Variants in FLNC observed in about 807,000 individuals in gnomAD.
FLNC encodes filamin C, also known as filamin-C.
A neutral mutation model predicts 254.3 loss-of-function variants in FLNC; 91 were observed. The observed-to-expected ratio is 0.36, with a 90% confidence interval of 0.30 to 0.43. The LOEUF (loss-of-function observed/expected upper bound fraction) is 0.43. Ranked by LOEUF, FLNC falls within the 20% of genes least tolerant of loss-of-function variation. The pLI is 1.00. For missense variants in FLNC, 2,853 were observed against 3,802.6 expected (o/e 0.75, Z 6.57); for synonymous variants, 1,430 against 1,577.2 (o/e 0.91, Z 2.21).
At position 128,838,701 on chromosome 7, in the gene FLNC, C is replaced by T. The variant is rs374847180; in HGVS notation, c.1309C>T (p.Arg437Cys). 6.4e-5 allele frequency: 104 copies of T among 1,612,910 alleles called. No individual in the cohort carries two copies. Among genetic ancestry groups the T allele is most frequent in the Non-Finnish European group, 8.2e-5 (97 of 1,180,010 alleles). The change falls in exon 8 of 48, where the codon CGC becomes TGC. Residue 437 changes from arginine to cysteine, a missense_variant. Physicochemically the swap from Arg to Cys is radical, Grantham distance 180 (BLOSUM62 -3). Coordinates refer to ENST00000325888, the MANE Select transcript of FLNC (RefSeq NM_001458.5). ...GGAGGACAAGGGTGACAGCACGTTC[C>T]GCTGCACATACAGACCTGCCATGGA... is the stretch of plus-strand genomic sequence containing the variant. ...ALEDKGDSTF[R>C]CTYRPAMEGP...
At chr7:128,855,946 C>T (rs1345117799) in intron 43 of FLNC, among the ~76,000 whole-genome samples, 1 of 152,184 alleles carries the variant, frequency 6.6e-6, no homozygotes, top group Non-Finnish European at 1.5e-5. Context: ...GGCTTCACCC[C>T]ACCTCCTTCT....
Position 128,845,159 on chromosome 7 carries a change from G to T in FLNC, c.3694G>T (p.Gly1232Trp). Reference sequence around the variant, plus strand: ...CTACACCATTACCATCAAGTATGGCGGGCATCCCGTGCCCAAATTCCCCAC... The same window carrying T: ...CTACACCATTACCATCAAGTATGGCTGGCATCCCGTGCCCAAATTCCCCAC... ...GTYTITIKYGGHPVPKFPTRV... is the reference protein window; with the variant it reads ...GTYTITIKYGWHPVPKFPTRV... The change falls in exon 21 of 48, where the codon GGG (glycine) becomes TGG (tryptophan). Residue 1232 changes from glycine (G) to tryptophan (W), a missense_variant. Around this residue, in one of 10 missense-constraint regions of FLNC, gnomAD observed 1,573 missense variants for 1,883.5 expected, o/e 0.84. Coordinates refer to ENST00000325888, the MANE Select transcript of FLNC (RefSeq NM_001458.5). 1 of 1,613,922 alleles carries T rather than the reference G, an allele frequency of 6.2e-7. No homozygotes were observed. The highest frequency in any genetic ancestry group is 8.5e-7 in the Non-Finnish European group (1 of 1,180,046).
intron 1 of FLNC, among the ~76,000 whole-genome samples, chr7:128,833,580 C>T (rs1428767354): frequency 6.6e-6 from 1 of 152,034 alleles, no homozygotes; most frequent in African/African-American, 2.4e-5. Flanking sequence ...ACTTCCCTCT[C>T]CAGCAAATAT....
Position 128,844,997 on chromosome 7 carries a change from G to A in FLNC, c.3532G>A (p.Val1178Met), listed in dbSNP as rs1312084079. 1 of 1,613,840 alleles carries A rather than the reference G, an allele frequency of 6.2e-7. No homozygotes were observed. The highest frequency in any genetic ancestry group is 8.5e-7 in the Non-Finnish European group (1 of 1,180,002). Reference sequence around the variant, plus strand: ...GGTCGGTGAGGCAGCCACCTTCACTGTGGACTGCTCAGAGGCAGGCGAGGC... The same window carrying A: ...GGTCGGTGAGGCAGCCACCTTCACTATGGACTGCTCAGAGGCAGGCGAGGC... ...GKVGEAATFTVDCSEAGEAEL... is the reference protein window; with the variant it reads ...GKVGEAATFTMDCSEAGEAEL... Residue 1178 changes from valine (V) to methionine (M), a missense_variant, in exon 21 of 48, where the codon GTG becomes ATG. Around this residue, in one of 10 missense-constraint regions of FLNC, gnomAD observed 1,573 missense variants for 1,883.5 expected, o/e 0.84. Coordinates refer to ENST00000325888, the MANE Select transcript of FLNC (RefSeq NM_001458.5).
At position 128,835,650 on chromosome 7, in the gene FLNC, G is replaced by C. The variant is rs565277154; in HGVS notation, c.601+76G>C. 9.5e-5 allele frequency: 146 copies of C among 1,535,284 alleles called. 1 individual carries two copies. In the South Asian group the frequency reaches 1.6e-3, roughly 17 times the overall value. On this transcript the variant is annotated intron_variant, in intron 2 of 47. Coordinates refer to ENST00000325888, the MANE Select transcript of FLNC (RefSeq NM_001458.5). The surrounding 1 kb of genome is among the most constrained non-coding windows in gnomAD (Gnocchi z 5.3). Reference sequence around the variant, plus strand: ...GGGGACAAGCTGGGGCTGCCAAGGCGTGTGGTTGTCAGAATGCACACCCTG... The same window carrying C: ...GGGGACAAGCTGGGGCTGCCAAGGCCTGTGGTTGTCAGAATGCACACCCTG...
intron 21 of FLNC, among the ~76,000 whole-genome samples, chr7:128,845,568 G>A (rs930855986): frequency 6.6e-6 from 1 of 152,114 alleles, no homozygotes; most frequent in East Asian, 1.9e-4. Flanking sequence ...TGCTCTGGAC[G>A]GGGGCACGGG....
Position 128,848,678 on chromosome 7 carries a change from A to C in FLNC, c.4698A>C (p.Ala1566=). 6.2e-7 allele frequency: 1 copy of C among 1,613,300 alleles called. No homozygotes were observed. The highest frequency in any genetic ancestry group is 8.5e-7 in the Non-Finnish European group (1 of 1,179,988). ...ASLPVEFTID[A]RDAGEGLLTV... ...TGCCTGTGGAGTTCACCATCGACGC[A>C]CGGGACGCGGGCGAGGGGTTGCTCA... The change falls in exon 27 of 48, where the codon GCA becomes GCC. Residue 1566 remains alanine (A), a synonymous_variant. Coordinates refer to ENST00000325888, the MANE Select transcript of FLNC (RefSeq NM_001458.5).
In FLNC at chr7:128,851,262, T is replaced by G; in HGVS notation, c.5570T>G (p.Ile1857Ser). The change falls in exon 34 of 48, where the codon ATC (isoleucine) becomes AGC (serine). Residue 1857 changes from isoleucine to serine, a missense_variant. Ile to Ser is a moderately radical substitution (Grantham distance 142). Coordinates refer to ENST00000325888, the MANE Select transcript of FLNC (RefSeq NM_001458.5). ...GSPLQFYVDA[I>S]NSRHVSAYGP... ...CCCTTACAGTTCTATGTGGATGCCA[T>G]CAACAGCCGCCATGTCAGTGCCTAT... The G allele has an allele frequency of 6.2e-7, 1 of 1,613,996 alleles. No homozygotes were observed. The highest frequency in any genetic ancestry group is 8.5e-7 in the Non-Finnish European group (1 of 1,180,008).
Position 128,845,866 on chromosome 7 carries a change from G to GAGAGGAGGGGA in FLNC, c.3791-105_3791-95dup, listed in dbSNP as rs200495738. The GAGAGGAGGGGA allele has an allele frequency of 1.9e-5, 16 of 845,148 alleles. 1 individual carries two copies. Among genetic ancestry groups the GAGAGGAGGGGA allele is most frequent in the South Asian group, 8.8e-5 (6 of 68,256 alleles). The allele number at this position is 845,148 out of a possible 1,614,324, so 52.4% of individuals were successfully genotyped here. On this transcript the variant is annotated intron_variant, in intron 21 of 47. Coordinates refer to ENST00000325888, the MANE Select transcript of FLNC (RefSeq NM_001458.5). ...TGGGAGAGGAGGGGGAGAGGAGGGT[G>GAGAGGAGGGGA]AGAGGAGGGGAAGAGGAGGGGAAGA...
In FLNC at chr7:128,840,125, G is replaced by C. The variant is rs185847889; in HGVS notation, c.1514G>C (p.Gly505Ala). The C allele has an allele frequency of 6.2e-7, 1 of 1,614,084 alleles. No homozygotes were observed. Among genetic ancestry groups the C allele is most frequent in the East Asian group, 2.2e-5 (1 of 44,876 alleles). ...TTCAAGGTGTTTACCAAGGGTGCCG[G>C]CAGCGGGGAGCTCAAGGTCACGGTC... ...ADFKVFTKGA[G>A]SGELKVTVKG... Residue 505 changes from glycine (G) to alanine (A), a missense_variant, in exon 9 of 48, where the codon GGC becomes GCC. Coordinates refer to ENST00000325888, the MANE Select transcript of FLNC (RefSeq NM_001458.5).
At chr7:128,850,348 C>T in intron 31 of FLNC, 36 bp from the exon 32 acceptor site, 1 of 1,545,184 alleles carries the variant, frequency 6.5e-7, no homozygotes, top group Non-Finnish European at 9.0e-7. Context: ...CCTGGGCCTT[C>T]CCCAGTCACT....
chr7:128,842,467 G>T lies in FLNC; in HGVS notation c.2265+93G>T. On this transcript the variant is annotated intron_variant, in intron 14 of 47. Coordinates refer to ENST00000325888, the MANE Select transcript of FLNC (RefSeq NM_001458.5). This position sits in a 1 kb window ranked among gnomAD's most constrained non-coding sequence, Gnocchi z 5.4. ...GAGTCCCTGTTGTCCCTGGGCTCAG[G>T]CTGGGACTGAGGCTTGGGCTGGTGC... 6.3e-7 allele frequency: 1 copy of T among 1,595,388 alleles called. No individual in the cohort carries two copies. The highest frequency in any genetic ancestry group is 1.1e-5 in the South Asian group (1 of 89,448).
At chr7:128,838,223 G>T in intron 6 of FLNC, 44 bp from the exon 7 acceptor site, 1 of 1,603,240 alleles carries the variant, frequency 6.2e-7, no homozygotes, top group Non-Finnish European at 8.5e-7. Flanking sequence ...CCCCTCTCAG[G>T]ACTGCTCTCC....
In FLNC at chr7:128,853,746, G is replaced by C; in HGVS notation, c.6393G>C (p.Glu2131Asp). 1 of 1,613,906 alleles carries C rather than the reference G, an allele frequency of 6.2e-7. No individual in the cohort carries two copies. The highest frequency in any genetic ancestry group is 1.1e-5 in the South Asian group (1 of 91,090). Residue 2131 changes from glutamate (E) to aspartate (D), a missense_variant, in exon 39 of 48, where the codon GAG becomes GAC. By Grantham distance (45) the Glu-to-Asp change is conservative. Around this residue, in one of 10 missense-constraint regions of FLNC, gnomAD observed 551 missense variants for 835.0 expected, o/e 0.66. Coordinates refer to ENST00000325888, the MANE Select transcript of FLNC (RefSeq NM_001458.5). ...CCTTCACTGTGAAGGTGACCGGCGA[G>C]GGCCGCATGAAGGAGAGCATCACCC... ...GSPFTVKVTG[E>D]GRMKESITRR... is the part of the protein sequence containing the mutation.
chr7:128,846,070 C>G lies in FLNC; in HGVS notation c.3871C>G (p.Arg1291Gly), dbSNP rs753591663. Reference protein sequence around the residue: ...TATGGNHVTARVLNPSGAKTD... With the variant: ...TATGGNHVTAGVLNPSGAKTD... ...CACAGGCGGCAACCACGTGACGGCT[C>G]GTGTGCTCAACCCCTCGGGGGCCAA... Residue 1291 changes from arginine to glycine, a missense_variant, in exon 22 of 48, where the codon CGT becomes GGT. This residue lies in a region of FLNC where 1,573 missense variants were observed against 1,883.5 expected (regional missense o/e 0.84). Coordinates refer to ENST00000325888, the MANE Select transcript of FLNC (RefSeq NM_001458.5). 21 of 1,613,954 alleles carry G rather than the reference C, an allele frequency of 1.3e-5. No individual in the cohort carries two copies. The highest frequency in any genetic ancestry group is 3.3e-4 in the Middle Eastern group (2 of 6,062).
In FLNC at chr7:128,848,589, C is replaced by T; in HGVS notation, c.4609C>T (p.His1537Tyr). ...CTTCAAGATCAAGGTCCTCCCAGCT[C>T]ATGATGCCAGCAAGGTGCGGGCCAG... Reference protein sequence around the residue: ...SPFKIKVLPAHDASKVRASGP... With the variant: ...SPFKIKVLPAYDASKVRASGP... The change falls in exon 27 of 48, where the codon CAT (histidine) becomes TAT (tyrosine). Residue 1537 changes from histidine to tyrosine, a missense_variant. Transcript: ENST00000325888. 6.2e-7 allele frequency: 1 copy of T among 1,614,026 alleles called. No individual in the cohort carries two copies. The highest frequency in any genetic ancestry group is 8.5e-7 in the Non-Finnish European group (1 of 1,180,040).
chr7:128,839,592 T>C (rs1562993239), intron 8 of FLNC, among the ~76,000 whole-genome samples: 2 of 152,324 alleles, frequency 1.3e-5, no homozygotes, highest in East Asian at 3.9e-4. Flanking sequence ...ACGTTGCCTG[T>C]GTTGTATGGC....
chr7:128,840,210 G>C, intron 9 of FLNC, 50 bp downstream of exon 9: 1 of 1,605,776 alleles, frequency 6.2e-7, no homozygotes, highest in Non-Finnish European at 8.5e-7. Flanking sequence ...GGATCATAAG[G>C]GAAGTATGGC....
rs1199745458 is a variant in FLNC at position 128,843,249 on chromosome 7, C to A, written c.2571C>A (p.Phe857Leu). 2 of 1,606,564 alleles carry A rather than the reference C, an allele frequency of 1.2e-6. No homozygotes were observed. Among genetic ancestry groups the A allele is most frequent in the Admixed American group, 3.4e-5 (2 of 58,878 alleles). Residue 857 changes from phenylalanine to leucine, a missense_variant, in exon 17 of 48, where the codon TTC becomes TTA. By Grantham distance (22) the Phe-to-Leu change is conservative. This residue lies in a region of FLNC where 1,573 missense variants were observed against 1,883.5 expected (regional missense o/e 0.84). Transcript: ENST00000325888. The part of the protein sequence containing the change: ...FANQEIPASP[F>L]HIKVDPSHDA... ...TCCAGGAGATCCCCGCCAGCCCCTTCCACATCAAGGTGGACCCATCCCACG... is the reference window on the plus strand; with the variant it reads ...TCCAGGAGATCCCCGCCAGCCCCTTACACATCAAGGTGGACCCATCCCACG...
Sources: allele counts gnomAD v4.1 joint callset (sites outside exome capture counted in the v4.1 genomes callset), GRCh38; gene constraint gnomAD v4.1.1; regional missense constraint gnomAD v4.1.1; non-coding constraint Gnocchi (gnomAD v3.1); transcripts MANE v1.5; gene names NCBI Gene and HGNC (gene_info 2026-07-23, HGNC 2026-07-21).